Variants in PKN2 observed in about 807,000 individuals in gnomAD.
PKN2 encodes the protein serine/threonine-protein kinase N2.
A neutral mutation model predicts 119.1 loss-of-function variants in PKN2; 38 were observed. The observed-to-expected ratio is 0.32, with a 90% confidence interval of 0.25 to 0.42. The LOEUF (loss-of-function observed/expected upper bound fraction) is 0.42, where lower values mean the gene tolerates loss of function less well. Among genes scored for constraint, PKN2 ranks in the 10% least tolerant of loss-of-function variants. The pLI, the probability that PKN2 is intolerant of heterozygous loss-of-function variation, is 1.00. For synonymous variants in PKN2, 390 were observed against 384.9 expected, an observed-to-expected ratio of 1.01 and a Z score of -0.15; for missense variants, 850 against 1,165.1, an observed-to-expected ratio of 0.73 and a Z score of 3.94.
chr1:88,813,087 A>G (rs141636492), intron 15 of PKN2, among the ~76,000 whole-genome samples: 2 of 152,290 alleles, frequency 1.3e-5, no homozygotes, highest in East Asian at 3.9e-4. Context: ...TTTATGCAGC[A>G]TATCTGTACT....
intron 10 of PKN2, 102 bp downstream of exon 10, chr1:88,805,023 G>T: frequency 1.7e-6 from 1 of 589,570 alleles, no homozygotes; most frequent in Non-Finnish European, 3.0e-6. Flanking sequence ...TTTTGTTGTT[G>T]TTTATTCATT....
chr1:88,742,412 TA>T (rs1668611481), intron 2 of PKN2, among the ~76,000 whole-genome samples: 1 of 152,180 alleles, frequency 6.6e-6, no homozygotes. Context: ...TTAGGGCTTT[TA>T]TTAGGAGGCT....
intron 1 of PKN2, among the ~76,000 whole-genome samples, chr1:88,686,928 TAAG>T (rs954779185): frequency 6.6e-6 from 1 of 152,128 alleles, no homozygotes; most frequent in African/African-American, 2.4e-5. Flanking sequence ...TTTAAGTATT[TAAG>T]AAGTTTTGTA....
intron 15 of PKN2, 88 bp from the exon 16 acceptor site, chr1:88,813,469 T>G (rs1671860640): frequency 2.1e-6 from 2 of 973,098 alleles, no homozygotes; most frequent in Admixed American, 3.2e-5. Context: ...AAATTTTGCT[T>G]ATTTTTAAGT....
chr1:88,758,873 A>G (rs1669327281), intron 2 of PKN2, among the ~76,000 whole-genome samples: 1 of 152,162 alleles, frequency 6.6e-6, no homozygotes, highest in Admixed American at 6.5e-5. Flanking sequence ...TTTATGACAG[A>G]ACGATTTATA....
intron 3 of PKN2, among the ~76,000 whole-genome samples, chr1:88,765,570 C>A (rs1044791238): frequency 6.6e-6 from 1 of 152,102 alleles, no homozygotes; most frequent in East Asian, 1.9e-4. Flanking sequence ...ATGTGTGATA[C>A]CACCACGACA....
At chr1:88,823,558 G>A (rs1672376494) in intron 17 of PKN2, among the ~76,000 whole-genome samples, 1 of 151,648 alleles carries the variant, frequency 6.6e-6, no homozygotes, top group South Asian at 2.1e-4. Flanking sequence ...AAAAAAATTA[G>A]CCAGGCTTGG....
chr1:88,795,979 C>T (rs887955004), intron 8 of PKN2, among the ~76,000 whole-genome samples: 5 of 152,180 alleles, frequency 3.3e-5, no homozygotes, highest in Non-Finnish European at 4.4e-5. Context: ...AACTTGCTCA[C>T]GGTCACAGAA....
Position 88,807,763 on chromosome 1 carries a change from A to G in PKN2, c.2090A>G (p.Asp697Gly). Residue 697 changes from aspartate (D) to glycine (G), a missense_variant, in exon 15 of 22, where the codon GAT becomes GGT. Coordinates refer to ENST00000370521, the MANE Select transcript of PKN2 (RefSeq NM_006256.4). ...ALKKGDIVAR[D>G]EVDSLMCEKR... is the part of the protein sequence containing the mutation. The stretch of plus-strand genomic sequence containing the variant: ...AAGAAAGGAGATATTGTGGCTCGAG[A>G]TGAAGTAGACAGGTTAGTTTTTAAA... The G allele has an allele frequency of 1.3e-6, 2 of 1,581,222 alleles. No homozygotes were observed. The highest frequency in any genetic ancestry group is 1.2e-5 in the South Asian group (1 of 86,784).
intron 2 of PKN2, among the ~76,000 whole-genome samples, chr1:88,749,864 C>T (rs1399851944): frequency 1.3e-5 from 2 of 152,174 alleles, no homozygotes. Flanking sequence ...TATAGTTCCT[C>T]TTTAATTGTT....
rs1159473611 is a variant in PKN2 at position 88,741,207 on chromosome 1, A to G, written c.268A>G (p.Asn90Asp). The G allele has an allele frequency of 1.2e-6, 2 of 1,602,770 alleles. No individual in the cohort carries two copies. The highest frequency in any genetic ancestry group is 1.7e-6 in the Non-Finnish European group (2 of 1,176,636). Residue 90 changes from asparagine (N) to aspartate (D), a missense_variant, in exon 2 of 22, where the codon AAT becomes GAT. Physicochemically the swap from Asn to Asp is conservative, Grantham distance 23. Transcript: ENST00000370521. ...AYVDNILKKS[N>D]KKLEELHHKL... ...TGTAGACAACATTTTGAAAAAATCA[A>G]ATAAAAAATTAGAAGAACTACATCA...
intron 6 of PKN2, among the ~76,000 whole-genome samples, chr1:88,776,566 C>G (rs1289004738): frequency 6.6e-6 from 1 of 151,636 alleles, no homozygotes; most frequent in Non-Finnish European, 1.5e-5. Context: ...ATGGTGAAAC[C>G]CCATCTATAC....
chr1:88,823,665 G>A (rs1182025930), intron 17 of PKN2, among the ~76,000 whole-genome samples: 1 of 142,098 alleles, frequency 7.0e-6, no homozygotes, highest in African/African-American at 2.7e-5. Context: ...GATCACACCA[G>A]TGCTCTCCAG....
At chr1:88,761,771 T>G (rs947186920) in intron 3 of PKN2, among the ~76,000 whole-genome samples, 1 of 152,184 alleles carries the variant, frequency 6.6e-6, no homozygotes, top group Non-Finnish European at 1.5e-5. Context: ...TTGTTCCTAT[T>G]TACTTATGAT....
rs559949800 is a variant in PKN2, at chr1:88,740,306, T to A, written c.49-682T>A. Among the ~76,000 whole-genome samples, 3 of 152,214 alleles carry A rather than the reference T, an allele frequency of 2.0e-5. No individual in the cohort carries two copies. The South Asian group carries it at 6.2e-4, about 32-fold the overall frequency. On this transcript the variant is annotated intron_variant, in intron 1 of 21. Transcript: ENST00000370521. ...TAACTAAAAAGTGGTCATAAAGGTATCTATTTTGCCAATATTCATTTATTT... is the reference window on the plus strand; with the variant it reads ...TAACTAAAAAGTGGTCATAAAGGTAACTATTTTGCCAATATTCATTTATTT...
chr1:88,829,914 G>C (rs979082725), intron 19 of PKN2, among the ~76,000 whole-genome samples: 1 of 152,076 alleles, frequency 6.6e-6, no homozygotes, highest in African/African-American at 2.4e-5. Flanking sequence ...TTTTAGTTTC[G>C]CCGGATGGAT....
chr1:88,684,948 C>T (rs1226040934), intron 1 of PKN2: 1 of 303,294 alleles, frequency 3.3e-6, no homozygotes, highest in East Asian at 5.4e-5. Flanking sequence ...GTCGCCCCCT[C>T]CCTCGGTGTC....
chr1:88,787,503 T>C (rs1570630175), intron 8 of PKN2, among the ~76,000 whole-genome samples: 3 of 152,348 alleles, frequency 2.0e-5, no homozygotes. Context: ...CTTCAGTGTC[T>C]TAACTTTTAA....
intron 8 of PKN2, among the ~76,000 whole-genome samples, chr1:88,803,189 C>A (rs955882990): frequency 2.0e-5 from 3 of 152,102 alleles, no homozygotes; most frequent in African/African-American, 7.2e-5. Flanking sequence ...CTGCCATAGA[C>A]GTATTTTTCT....
Sources: allele counts gnomAD v4.1 joint callset (sites outside exome capture counted in the v4.1 genomes callset), GRCh38; gene constraint gnomAD v4.1.1; transcripts MANE v1.5; gene names NCBI Gene and HGNC (gene_info 2026-07-23, HGNC 2026-07-21).